Variants in TANC2 observed in about 807,000 individuals in gnomAD.
TANC2 encodes the protein protein TANC2.
In TANC2, 26 loss-of-function variants were observed where a neutral mutation model predicts 210.5. The observed-to-expected ratio is 0.12, with a 90% CI of 0.09 to 0.17. TANC2 has a LOEUF of 0.17. TANC2 is among the 10% of genes least tolerant of loss of function. The probability of loss-of-function intolerance (pLI) is 1.00; values close to 1 mark genes in which losing one functional copy is unlikely to be tolerated. For missense variants in TANC2, 2,129 were observed against 2,608.9 expected (o/e 0.82, Z 4.01); for synonymous variants, 931 against 967.1 (o/e 0.96, Z 0.69).
intron 7 of TANC2, among the ~76,000 whole-genome samples, chr17:63,228,334 C>T (rs752579918): frequency 1.9e-4 from 29 of 152,034 alleles, no homozygotes; most frequent in Non-Finnish European, 3.7e-4. Context: ...TTACTGTAGC[C>T]GTCTACTATA....
intron 2 of TANC2, among the ~76,000 whole-genome samples, chr17:63,024,196 C>T (rs1380617181): frequency 6.6e-6 from 1 of 152,044 alleles, no homozygotes; most frequent in Non-Finnish European, 1.5e-5. Context: ...GGGGCTAGTC[C>T]ATAGATTAGA....
intron 9 of TANC2, among the ~76,000 whole-genome samples, chr17:63,295,455 A>G (rs891634115): frequency 6.6e-6 from 1 of 152,216 alleles, no homozygotes; most frequent in Non-Finnish European, 1.5e-5. Flanking sequence ...CATTAGTCAT[A>G]TTCATGAAAG....
intron 2 of TANC2, among the ~76,000 whole-genome samples, chr17:63,017,764 C>T (rs530759388): frequency 1.3e-5 from 2 of 152,234 alleles, no homozygotes; most frequent in South Asian, 4.1e-4. Flanking sequence ...GGGTACTAAA[C>T]CTCAAATTGG....
rs534218238 is a variant in TANC2 at position 63,176,683 on chromosome 17, G to A, written c.434-17308G>A. Among the ~76,000 whole-genome samples the A allele has an allele frequency of 3.8e-3, 584 of 151,950 alleles. 4 individuals are homozygous for A. The highest frequency in any genetic ancestry group is 0.014 in the African/African-American group (564 of 41,460). On this transcript the variant is annotated intron_variant, in intron 5 of 27. Coordinates refer to ENST00000689528, the Ensembl canonical transcript of TANC2. ...TAGCCGGGTGTGGTGGCGGGCACCT[G>A]TAGTCCCAGCTACTCAGGAGGCTGA...
intron 2 of TANC2, among the ~76,000 whole-genome samples, chr17:63,066,423 C>T (rs371523024): frequency 6.6e-6 from 1 of 152,108 alleles, no homozygotes; most frequent in African/African-American, 2.4e-5. Context: ...CGGGGCTCAC[C>T]TGGCACTGGG....
chr17:63,115,478 AT>A (rs2038216416), intron 4 of TANC2, among the ~76,000 whole-genome samples: 1 of 152,196 alleles, frequency 6.6e-6, no homozygotes, highest in South Asian at 2.1e-4. Flanking sequence ...GTACATTATT[AT>A]ATTAAATAAT....
rs529807169 is a variant in TANC2, at chr17:63,010,545, A to C, written c.67+919A>C. Among the ~76,000 whole-genome samples, 4 of 151,446 alleles carry C rather than the reference A, an allele frequency of 2.6e-5. No homozygotes were observed. The East Asian group carries it at 5.8e-4, about 22-fold the overall frequency. ...TGTCCTACAATTCAATTCAATTCTG[A>C]CGCTGTCTACCCTGAGTTAGCACAG... is the stretch of plus-strand genomic sequence containing the variant. On this transcript the variant is annotated intron_variant, in intron 2 of 27. Transcript: ENST00000689528.
At chr17:63,158,009 T>C (rs2039895650) in intron 5 of TANC2, among the ~76,000 whole-genome samples, 1 of 152,196 alleles carries the variant, frequency 6.6e-6, no homozygotes, top group Non-Finnish European at 1.5e-5. Context: ...ACAAAAAGAA[T>C]AAAATTTCAT....
intron 13 of TANC2, among the ~76,000 whole-genome samples, chr17:63,353,435 G>A (rs969913105): frequency 3.3e-5 from 5 of 152,032 alleles, no homozygotes; most frequent in South Asian, 2.1e-4. Flanking sequence ...GTTTTGTGGC[G>A]GGGGACAAAA....
At chr17:63,313,478 T>G (rs1205534882) in intron 9 of TANC2, 1 of 152,184 alleles carries the variant, frequency 6.6e-6, no homozygotes. Flanking sequence ...TTTAGAAAAC[T>G]GTTGACAGTA....
chr17:63,233,174 A>G (rs897039579), intron 7 of TANC2, among the ~76,000 whole-genome samples: 6 of 152,176 alleles, frequency 3.9e-5, no homozygotes, highest in African/African-American at 1.2e-4. Flanking sequence ...GAGCTCAGTC[A>G]TCTTAGGTAG....
chr17:62,969,357 A>G (rs77123746), intron 1 of TANC2, among the ~76,000 whole-genome samples: 1,620 of 152,352 alleles, frequency 0.011, 28 homozygotes, highest in African/African-American at 0.037. Context: ...TGCTAGCTCC[A>G]GAACCTGTGC....
At chr17:63,197,046 A>G (rs2041368614) in intron 6 of TANC2, among the ~76,000 whole-genome samples, 1 of 152,226 alleles carries the variant, frequency 6.6e-6, no homozygotes, top group Non-Finnish European at 1.5e-5. Flanking sequence ...AATCATGAAT[A>G]TGAAAGTACT....
chr17:63,421,998 A>G lies in TANC2; in HGVS notation c.*43A>G. ...TGAGACCCATATGTTTTCACTGCAC[A>G]TTTTCAGGCTTGGTTTCCACATTCG... On this transcript the variant is annotated 3_prime_UTR_variant, in exon 28 of 28. Coordinates refer to ENST00000689528, the Ensembl canonical transcript of TANC2. The surrounding 1 kb of genome is among the most constrained non-coding windows in gnomAD (Gnocchi z 6.9). 6.5e-7 allele frequency: 1 copy of G among 1,541,972 alleles called. No individual in the cohort carries two copies. Among genetic ancestry groups the G allele is most frequent in the Non-Finnish European group, 8.7e-7 (1 of 1,145,204 alleles).
intron 8 of TANC2, among the ~76,000 whole-genome samples, chr17:63,258,573 T>G (rs1164691648): frequency 6.6e-6 from 1 of 152,040 alleles, no homozygotes; most frequent in East Asian, 1.9e-4. Context: ...GATAAAGTCC[T>G]TCCCACTCTT....
At chr17:63,088,028 C>T (rs1167051152) in intron 3 of TANC2, 2 of 152,150 alleles carry the variant, frequency 1.3e-5, no homozygotes, top group African/African-American at 4.8e-5. Flanking sequence ...TGCATTCTTT[C>T]CAGGGTTTAT....
At chr17:63,161,324 T>A (rs1190021244) in intron 5 of TANC2, among the ~76,000 whole-genome samples, 1 of 152,128 alleles carries the variant, frequency 6.6e-6, no homozygotes, top group Admixed American at 6.5e-5. Flanking sequence ...ATCAAGCCAC[T>A]GCACTCCAGC....
intron 3 of TANC2, among the ~76,000 whole-genome samples, chr17:63,082,726 C>A (rs553431536): frequency 6.6e-6 from 1 of 152,130 alleles, no homozygotes; most frequent in Non-Finnish European, 1.5e-5. Flanking sequence ...AGTGGAAGTT[C>A]ATTTTGCTAA....
At chr17:63,215,588 A>G (rs1033306221) in intron 7 of TANC2, among the ~76,000 whole-genome samples, 1 of 151,940 alleles carries the variant, frequency 6.6e-6, no homozygotes, top group Non-Finnish European at 1.5e-5. Context: ...AAGTAGTGAA[A>G]CCTCCATTTT....
Sources: gnomAD v4.1 joint callset for allele counts (sites outside exome capture counted in the v4.1 genomes callset) on GRCh38, gnomAD v4.1.1 for gene constraint, Gnocchi (gnomAD v3.1) non-coding constraint, MANE v1.5 for transcripts, NCBI Gene and HGNC (gene_info 2026-07-23, HGNC 2026-07-21) for gene names.